The following CNTNAP4 variants were observed in gnomAD, a reference collection of about 807,000 sequenced individuals.
The protein encoded by CNTNAP4 is contactin associated protein family member 4.
CNTNAP4 carries 98 observed loss-of-function variants against 148.4 expected under a neutral mutation model. That is an observed-to-expected ratio of 0.66 (90% CI 0.56 to 0.78). The LOEUF is 0.78. Ranked by LOEUF, CNTNAP4 falls within the 30% of genes least tolerant of loss-of-function variation. CNTNAP4 has a pLI of 0.00. For synonymous variants in CNTNAP4, 730 were observed against 565.1 expected (o/e 1.29, Z -4.14); for missense variants, 1,935 against 1,565.6 (o/e 1.24, Z -3.98).
intron 12 of CNTNAP4, among the ~76,000 whole-genome samples, chr16:76,481,807 T>A (rs141288832): frequency 6.6e-6 from 1 of 152,092 alleles, no homozygotes; most frequent in Non-Finnish European, 1.5e-5. Flanking sequence ...CTGAGACAGA[T>A]GATCTTACTT....
At chr16:76,368,390 G>C (rs1175032972) in intron 3 of CNTNAP4, among the ~76,000 whole-genome samples, 3 of 152,140 alleles carry the variant, frequency 2.0e-5, no homozygotes, top group African/African-American at 4.8e-5. Flanking sequence ...GTTTATTGCA[G>C]CACTATTCAC....
intron 2 of CNTNAP4, among the ~76,000 whole-genome samples, chr16:76,319,603 A>G (rs891113587): frequency 1.3e-5 from 2 of 152,016 alleles, no homozygotes; most frequent in African/African-American, 4.8e-5. Flanking sequence ...GCCATACTGG[A>G]TTAAGGGGTG....
At chr16:76,408,333 A>C (rs1253823067) in intron 3 of CNTNAP4, among the ~76,000 whole-genome samples, 1 of 152,126 alleles carries the variant, frequency 6.6e-6, no homozygotes, top group African/African-American at 2.4e-5. Flanking sequence ...ACATAGAACT[A>C]ATTTAATTAA....
chr16:76,438,958 C>T (rs981111999), intron 4 of CNTNAP4, among the ~76,000 whole-genome samples: 2 of 151,990 alleles, frequency 1.3e-5, no homozygotes, highest in Non-Finnish European at 2.9e-5. Flanking sequence ...TAAATATGTA[C>T]AATTACATAT....
intron 21 of CNTNAP4, among the ~76,000 whole-genome samples, chr16:76,549,464 G>T (rs2084872771): frequency 6.6e-6 from 1 of 152,020 alleles, no homozygotes; most frequent in Non-Finnish European, 1.5e-5. Flanking sequence ...CCGGCAAGCA[G>T]ATTAAAAAGT....
At chr16:76,398,729 A>G (rs556728603) in intron 3 of CNTNAP4, among the ~76,000 whole-genome samples, 2 of 152,052 alleles carry the variant, frequency 1.3e-5, no homozygotes, top group South Asian at 4.2e-4. Flanking sequence ...ATACTATCCA[A>G]CTTTCTGATT....
intron 3 of CNTNAP4, among the ~76,000 whole-genome samples, chr16:76,369,394 T>C (rs539105706): frequency 6.6e-6 from 1 of 152,212 alleles, no homozygotes; most frequent in Non-Finnish European, 1.5e-5. Flanking sequence ...AAATGGGAAC[T>C]GGTTTATGCA....
intron 3 of CNTNAP4, among the ~76,000 whole-genome samples, chr16:76,363,466 C>G (rs1187463599): frequency 2.0e-5 from 3 of 151,904 alleles, no homozygotes; most frequent in East Asian, 1.9e-4. Flanking sequence ...CCAGCCTGGA[C>G]CCTTATACCG....
At chr16:76,334,349 T>G (rs1963834196) in intron 2 of CNTNAP4, among the ~76,000 whole-genome samples, 1 of 152,138 alleles carries the variant, frequency 6.6e-6, no homozygotes, top group South Asian at 2.1e-4. Flanking sequence ...TTTTGCAGAT[T>G]GGGTCTGTGT....
At chr16:76,331,336 C>T (rs188756927) in intron 2 of CNTNAP4, among the ~76,000 whole-genome samples, 246 of 151,944 alleles carry the variant, frequency 1.6e-3, no homozygotes, top group African/African-American at 5.6e-3. Flanking sequence ...TGCAGGCGCC[C>T]GCCACCATGC....
intron 1 of CNTNAP4, among the ~76,000 whole-genome samples, chr16:76,291,713 CAAATAAAACAT>C (rs1959124248): frequency 6.6e-6 from 1 of 152,176 alleles, no homozygotes; most frequent in Admixed American, 6.5e-5. Flanking sequence ...CAAAAACAAA[CAAATAAAACAT>C]AAATAAAGCA....
chr16:76,487,016 A>T lies in CNTNAP4; in HGVS notation c.1883-2670A>T, dbSNP rs1315724451. 2.0e-5 allele frequency among the ~76,000 whole-genome samples: 3 copies of T among 152,204 alleles called. No homozygotes were observed. In the East Asian group the frequency reaches 5.8e-4, roughly 29 times the overall value. On this transcript the variant is annotated intron_variant, in intron 12 of 23. Transcript: ENST00000611870. ...AGACAGGTAGGTAGGTAGTAGATAG[A>T]TCATAAACAGATAGATATTATCTGT...
chr16:76,317,252 CAAAAAAAAAAAACA>C (rs1175295776), intron 2 of CNTNAP4, among the ~76,000 whole-genome samples: 6 of 86,310 alleles, frequency 7.0e-5, no homozygotes, highest in African/African-American at 2.5e-4. Flanking sequence ...GACCCTGTCT[CAAAAAAAAAAAACA>C]AAAAAAAAAA....
intron 3 of CNTNAP4, among the ~76,000 whole-genome samples, chr16:76,397,215 C>G (rs1256520069): frequency 6.6e-6 from 1 of 151,752 alleles, no homozygotes; most frequent in Non-Finnish European, 1.5e-5. Context: ...AGAACAGTTT[C>G]CAAGCAGAGA....
chr16:76,289,144 A>G (rs1205617028), intron 1 of CNTNAP4, among the ~76,000 whole-genome samples: 1 of 152,204 alleles, frequency 6.6e-6, no homozygotes, highest in Non-Finnish European at 1.5e-5. Context: ...GACTCTCAAT[A>G]GACAAACAAA....
chr16:76,413,429 A>ATTGT (rs1218531403), intron 3 of CNTNAP4, among the ~76,000 whole-genome samples: 2 of 151,358 alleles, frequency 1.3e-5, no homozygotes, highest in Non-Finnish European at 3.0e-5. Flanking sequence ...CATGGCAAAC[A>ATTGT]TTGTTAATAA....
chr16:76,522,069 T>C lies in CNTNAP4; in HGVS notation c.2567T>C (p.Val856Ala), dbSNP rs776933211. 1 of 1,613,944 alleles carries C rather than the reference T, an allele frequency of 6.2e-7. No homozygotes were observed. ...ACAGTAGTGACTTTTTCATTTGATG[T>C]GGGGAATGGGCCTTTTGAAATCTCA... ...SPTVVTFSFD[V>A]GNGPFEISVQ... The change falls in exon 17 of 24, where the codon GTG (valine) becomes GCG (alanine). Residue 856 changes from valine (V) to alanine (A), a missense_variant. Transcript: ENST00000611870.
intron 8 of CNTNAP4, among the ~76,000 whole-genome samples, chr16:76,458,244 A>G (rs910716087): frequency 1.3e-5 from 2 of 152,096 alleles, no homozygotes; most frequent in African/African-American, 4.8e-5. Flanking sequence ...TGTAAATAAT[A>G]CTACAATAAA....
chr16:76,353,825 C>A (rs1055417616), intron 2 of CNTNAP4, among the ~76,000 whole-genome samples: 1 of 152,162 alleles, frequency 6.6e-6, no homozygotes, highest in East Asian at 1.9e-4. Flanking sequence ...GTTCCACCAT[C>A]AAAATAATCT....
Sources: gnomAD v4.1 joint callset for allele counts (sites outside exome capture counted in the v4.1 genomes callset) on GRCh38, gnomAD v4.1.1 for gene constraint, MANE v1.5 for transcripts, NCBI Gene and HGNC (gene_info 2026-07-23, HGNC 2026-07-21) for gene names.